The following NRG1 variants were observed in gnomAD, a reference collection of about 807,000 sequenced individuals.
NRG1 encodes pro-neuregulin-1, membrane-bound isoform.
Under a neutral mutation model 63.8 loss-of-function variants are expected in NRG1, and 18 were observed. The observed-to-expected ratio is 0.28, with a 90% CI of 0.19 to 0.42. NRG1 has a LOEUF of 0.42. Among genes scored for constraint, NRG1 ranks in the 10% least tolerant of loss-of-function variants. The pLI, the probability that NRG1 is intolerant of heterozygous loss-of-function variation, is 1.00. For synonymous variants in NRG1, 302 were observed against 301.3 expected (o/e 1.00, Z -0.02); for missense variants, 762 against 814.7 (o/e 0.94, Z 0.79).
intron 1 of NRG1, among the ~76,000 whole-genome samples, chr8:32,414,738 G>T (rs1419476712): frequency 1.3e-5 from 2 of 152,142 alleles, no homozygotes; most frequent in Admixed American, 1.3e-4. Context: ...CCATGTTTTA[G>T]AATCTTAGGG....
intron 1 of NRG1, among the ~76,000 whole-genome samples, chr8:32,447,052 T>C (rs1820345604): frequency 7.0e-6 from 1 of 143,656 alleles, no homozygotes; most frequent in South Asian, 2.3e-4. Context: ...CTTGCACTAT[T>C]GTGCGGGCTG....
chr8:31,994,016 CT>C, intron 1 of NRG1, among the ~76,000 whole-genome samples: 1 of 151,880 alleles, frequency 6.6e-6, no homozygotes, highest in Non-Finnish European at 1.5e-5. Context: ...ACATTCAGTA[CT>C]GATAGGATGG....
At chr8:32,236,074 A>G (rs1205855230) in intron 1 of NRG1, among the ~76,000 whole-genome samples, 1 of 152,082 alleles carries the variant, frequency 6.6e-6, no homozygotes, top group Non-Finnish European at 1.5e-5. Flanking sequence ...AGAGTCTACT[A>G]TCAGAATCCT....
chr8:32,199,032 G>A (rs1041344314), intron 1 of NRG1, among the ~76,000 whole-genome samples: 1 of 152,042 alleles, frequency 6.6e-6, no homozygotes, highest in Non-Finnish European at 1.5e-5. Context: ...CCAAGTAGTA[G>A]ACTATGACCG....
chr8:31,824,827 CAT>C (rs1824377996), intron 1 of NRG1, among the ~76,000 whole-genome samples: 1 of 152,152 alleles, frequency 6.6e-6, no homozygotes, highest in Non-Finnish European at 1.5e-5. Context: ...CAACACAGAC[CAT>C]ATGTGAACAT....
At chr8:32,530,246 T>C (rs998062967) in intron 1 of NRG1, among the ~76,000 whole-genome samples, 2 of 152,130 alleles carry the variant, frequency 1.3e-5, no homozygotes, top group Non-Finnish European at 2.9e-5. Context: ...TAGCTGGGAC[T>C]ACAGGTGCCC....
At chr8:32,452,564 A>G (rs1821093810) in intron 1 of NRG1, among the ~76,000 whole-genome samples, 1 of 152,198 alleles carries the variant, frequency 6.6e-6, no homozygotes, top group Admixed American at 6.5e-5. Flanking sequence ...AATCCTAGGA[A>G]GATAAATTGG....
chr8:32,062,670 T>C (rs1405220268), intron 1 of NRG1, among the ~76,000 whole-genome samples: 1 of 152,112 alleles, frequency 6.6e-6, no homozygotes, highest in Non-Finnish European at 1.5e-5. Context: ...TTTTCTCACC[T>C]CTTGACAGAA....
intron 1 of NRG1, among the ~76,000 whole-genome samples, chr8:32,402,413 A>C (rs1456726990): frequency 2.0e-5 from 3 of 152,066 alleles, no homozygotes; most frequent in Non-Finnish European, 4.4e-5. Flanking sequence ...AAAAATATTA[A>C]ATGGAAAATT....
At chr8:32,557,124 G>A (rs112530211) in intron 1 of NRG1, among the ~76,000 whole-genome samples, 1 of 152,170 alleles carries the variant, frequency 6.6e-6, no homozygotes, top group African/African-American at 2.4e-5. Flanking sequence ...TCCTGCCTCA[G>A]CCTCCCAAGT....
chr8:31,945,213 G>T (rs1230373643), intron 1 of NRG1, among the ~76,000 whole-genome samples: 1 of 152,070 alleles, frequency 6.6e-6, no homozygotes, highest in Non-Finnish European at 1.5e-5. Flanking sequence ...GATATGTTTG[G>T]ATATTTTCCA....
chr8:32,451,763 T>C (rs1375665544), intron 1 of NRG1, among the ~76,000 whole-genome samples: 3 of 152,208 alleles, frequency 2.0e-5, no homozygotes, highest in African/African-American at 7.2e-5. Flanking sequence ...CTAATTCTAA[T>C]ATTTGCCTTG....
chr8:32,652,562 G>A (rs1702935258), intron 5 of NRG1, among the ~76,000 whole-genome samples: 1 of 151,208 alleles, frequency 6.6e-6, no homozygotes, highest in Admixed American at 6.6e-5. Context: ...GGCTTTATAG[G>A]TCAGTATTTC....
chr8:32,123,791 T>A (rs577082196), intron 1 of NRG1, among the ~76,000 whole-genome samples: 1 of 151,868 alleles, frequency 6.6e-6, no homozygotes, highest in Admixed American at 6.6e-5. Context: ...TTTGCTAGTA[T>A]GCTACTAGCT....
At chr8:32,180,053 T>C (rs954493221) in intron 1 of NRG1, among the ~76,000 whole-genome samples, 1 of 152,164 alleles carries the variant, frequency 6.6e-6, no homozygotes, top group Non-Finnish European at 1.5e-5. Flanking sequence ...TTTCTTACTC[T>C]TTTATTTGTT....
chr8:32,535,571 C>A (rs1563598070), intron 1 of NRG1, among the ~76,000 whole-genome samples: 1 of 152,170 alleles, frequency 6.6e-6, no homozygotes, highest in African/African-American at 2.4e-5. Context: ...GGCTCATAAA[C>A]CTCCTTGGTG....
intron 1 of NRG1, among the ~76,000 whole-genome samples, chr8:32,376,136 AAAGT>A (rs962446810): frequency 6.6e-6 from 1 of 152,242 alleles, no homozygotes; most frequent in Non-Finnish European, 1.5e-5. Context: ...GCTGTAAAAG[AAAGT>A]AAGAAAACAC....
intron 5 of NRG1, among the ~76,000 whole-genome samples, chr8:32,666,179 T>C (rs1023289253): frequency 6.6e-6 from 1 of 152,220 alleles, no homozygotes; most frequent in Non-Finnish European, 1.5e-5. Context: ...ATTTTTGTTC[T>C]GCTTACTTCT....
chr8:31,812,491 T>A (rs1822984096), intron 1 of NRG1, among the ~76,000 whole-genome samples: 1 of 152,158 alleles, frequency 6.6e-6, no homozygotes, highest in Non-Finnish European at 1.5e-5. Context: ...GAAGCTGGAA[T>A]ACCCAATTAG....
Sources: gnomAD v4.1 joint callset for allele counts (sites outside exome capture counted in the v4.1 genomes callset) on GRCh38, gnomAD v4.1.1 for gene constraint, MANE v1.5 for transcripts, NCBI Gene and HGNC (gene_info 2026-07-23, HGNC 2026-07-21) for gene names.